The following RGS7 variants were observed in gnomAD, a reference collection of about 807,000 sequenced individuals.
RGS7 encodes the protein regulator of G protein signaling 7.
Under a neutral mutation model 81.1 loss-of-function variants are expected in RGS7, and 27 were observed. The observed-to-expected ratio is 0.33, with a 90% CI of 0.25 to 0.46. RGS7 has a LOEUF of 0.46. Ranked by LOEUF, RGS7 falls within the 20% of genes least tolerant of loss-of-function variation. RGS7 has a pLI of 1.00. For missense variants in RGS7, 396 were observed against 607.4 expected (o/e 0.65, Z 3.66); for synonymous variants, 208 against 207.7 (o/e 1.00, Z -0.01).
intron 2 of RGS7, among the ~76,000 whole-genome samples, chr1:241,105,581 C>T (rs1459313414): frequency 6.6e-6 from 1 of 152,190 alleles, no homozygotes; most frequent in Admixed American, 6.5e-5. Flanking sequence ...AAAACAAAAT[C>T]ACTGCCTTGA....
rs7518605 is a variant in RGS7 at position 240,860,868 on chromosome 1, C to T, written c.609+7719G>A. Among the ~76,000 whole-genome samples, 890 of 152,208 alleles carry T rather than the reference C, an allele frequency of 5.8e-3. 14 individuals carry two copies. The highest frequency in any genetic ancestry group is 0.02 in the African/African-American group (830 of 41,544). The stretch of plus-strand genomic sequence containing the variant: ...ATGTCTACAACTATTGACAAGATCT[C>T]GCTCCATCTGAATGTCATGTCATCA... On this transcript the variant is annotated intron_variant, in intron 9 of 18. Transcript: ENST00000440928.
At chr1:241,286,075 C>T (rs1442483508) in intron 2 of RGS7, among the ~76,000 whole-genome samples, 1 of 152,310 alleles carries the variant, frequency 6.6e-6, no homozygotes, top group South Asian at 2.1e-4. Flanking sequence ...CTTCTTGCTG[C>T]ATTATCTACA....
intron 2 of RGS7, among the ~76,000 whole-genome samples, chr1:241,228,882 T>A (rs1191230905): frequency 1.3e-5 from 2 of 152,036 alleles, no homozygotes; most frequent in African/African-American, 4.8e-5. Flanking sequence ...ACAATGAAAT[T>A]TGGAACAGGC....
intron 2 of RGS7, among the ~76,000 whole-genome samples, chr1:241,111,703 T>C (rs2065525644): frequency 6.6e-6 from 1 of 152,050 alleles, no homozygotes; most frequent in East Asian, 1.9e-4. Flanking sequence ...CCAGATATTC[T>C]CCCTCCAACA....
At chr1:240,955,046 G>A (rs990968940) in intron 4 of RGS7, among the ~76,000 whole-genome samples, 2 of 152,078 alleles carry the variant, frequency 1.3e-5, no homozygotes, top group Admixed American at 6.6e-5. Flanking sequence ...TACAAAATCT[G>A]TGAGAAAAAC....
intron 2 of RGS7, among the ~76,000 whole-genome samples, chr1:241,285,656 A>C (rs2078766832): frequency 6.6e-6 from 1 of 152,220 alleles, no homozygotes; most frequent in Admixed American, 6.5e-5. Flanking sequence ...CCAGGTTTCA[A>C]ACCCAAGAAG....
chr1:241,087,001 T>C (rs1414933251), intron 3 of RGS7, among the ~76,000 whole-genome samples: 2 of 152,210 alleles, frequency 1.3e-5, no homozygotes, highest in Non-Finnish European at 2.9e-5. Flanking sequence ...TGCAGCCCTC[T>C]GGGTTTACCT....
At chr1:241,042,179 T>C (rs1261856318) in intron 3 of RGS7, among the ~76,000 whole-genome samples, 3 of 152,232 alleles carry the variant, frequency 2.0e-5, no homozygotes, top group Non-Finnish European at 4.4e-5. Flanking sequence ...TGTACATATG[T>C]ATCATCTCTT....
chr1:241,200,474 A>G (rs2073419208), intron 2 of RGS7, among the ~76,000 whole-genome samples: 1 of 152,212 alleles, frequency 6.6e-6, no homozygotes, highest in Non-Finnish European at 1.5e-5. Context: ...GACAAACTCA[A>G]GCTGGAGTCA....
intron 6 of RGS7, among the ~76,000 whole-genome samples, chr1:240,908,046 T>A (rs1229264171): frequency 6.6e-6 from 1 of 152,040 alleles, no homozygotes; most frequent in Admixed American, 6.6e-5. Context: ...GTTTTTACCA[T>A]AGCCACCATG....
chr1:240,996,017 T>TG (rs199997333), intron 3 of RGS7, among the ~76,000 whole-genome samples: 32 of 148,156 alleles, frequency 2.2e-4, no homozygotes, highest in Middle Eastern at 3.6e-3. Context: ...TTATTTTTAT[T>TG]GTTTTTTTTT....
chr1:241,177,289 G>A (rs531747271), intron 2 of RGS7, among the ~76,000 whole-genome samples: 23 of 152,174 alleles, frequency 1.5e-4, no homozygotes, highest in Admixed American at 2.0e-4. Flanking sequence ...AGAAGCCAGC[G>A]TGCAAAGGGC....
At chr1:240,798,116 A>T (rs1422101328) in intron 18 of RGS7, among the ~76,000 whole-genome samples, 1 of 152,188 alleles carries the variant, frequency 6.6e-6, no homozygotes. Context: ...CTGTGAAAAA[A>T]GGTGATACCT....
intron 6 of RGS7, among the ~76,000 whole-genome samples, chr1:240,880,962 G>C (rs1666257170): frequency 1.3e-5 from 2 of 151,998 alleles, no homozygotes; most frequent in African/African-American, 2.4e-5. Context: ...GGAAAGTATG[G>C]TGTATTAGCC....
At chr1:241,034,046 T>C (rs777389933) in intron 3 of RGS7, among the ~76,000 whole-genome samples, 5 of 152,210 alleles carry the variant, frequency 3.3e-5, no homozygotes, top group Non-Finnish European at 7.3e-5. Context: ...AGACTTGTCC[T>C]GGAAAGTGTT....
intron 10 of RGS7, among the ~76,000 whole-genome samples, chr1:240,817,123 G>A (rs940147450): frequency 3.9e-5 from 6 of 152,172 alleles, no homozygotes; most frequent in Non-Finnish European, 8.8e-5. Context: ...CCATTGCTTA[G>A]TAAGTATAAA....
At position 240,969,075 on chromosome 1, in the gene RGS7, G is replaced by C. The variant is rs562758910; in HGVS notation, c.226+14004C>G. On this transcript the variant is annotated intron_variant, in intron 4 of 18. Coordinates refer to ENST00000440928, the MANE Select transcript of RGS7 (RefSeq NM_001364886.1). The stretch of plus-strand genomic sequence containing the variant: ...ATCGTACATTTCTCTGTCATTTTCT[G>C]AGTGGCTACCCTGATGAATAGGCAC... 5.3e-5 allele frequency among the ~76,000 whole-genome samples: 8 copies of C among 152,296 alleles called. No homozygotes were observed. In the South Asian group the frequency reaches 1.5e-3, roughly 28 times the overall value.
intron 2 of RGS7, among the ~76,000 whole-genome samples, chr1:241,189,902 T>C (rs1251189820): frequency 6.6e-6 from 1 of 151,736 alleles, no homozygotes; most frequent in South Asian, 2.1e-4. Context: ...GATCACAAGG[T>C]CAGGAGATCG....
rs112001417 is a variant in RGS7, at chr1:241,206,230, C to T, written c.79-107468G>A. ...TTTGCCCCATGACTTAAAGAATGAA[C>T]TTTTTTTTTTTTTTTTTGAGACAGA... On this transcript the variant is annotated intron_variant, in intron 2 of 18. Coordinates refer to ENST00000440928, the MANE Select transcript of RGS7 (RefSeq NM_001364886.1). Among the ~76,000 whole-genome samples the T allele has an allele frequency of 2.9e-3, 391 of 135,992 alleles. 5 individuals carry two copies. Among genetic ancestry groups the T allele is most frequent in the African/African-American group, 0.01 (365 of 36,080 alleles). 89.2% of individuals were successfully genotyped at this position (135,992 alleles called of 152,430 possible). A position where few individuals can be genotyped will look rare whatever the true frequency, so the allele number is the denominator to read the frequency against.
Sources: gnomAD v4.1 joint callset for allele counts (sites outside exome capture counted in the v4.1 genomes callset) on GRCh38, gnomAD v4.1.1 for gene constraint, MANE v1.5 for transcripts, NCBI Gene and HGNC (gene_info 2026-07-23, HGNC 2026-07-21) for gene names.